AGT: variants seen among roughly 807,000 people sequenced by gnomAD.
AGT encodes angiotensinogen.
Under a neutral mutation model 28.1 loss-of-function variants are expected in AGT, and 26 were observed. That is an observed-to-expected ratio of 0.92 (90% CI 0.68 to 1.28). The LOEUF (loss-of-function observed/expected upper bound fraction) is 1.28, where lower values mean the gene tolerates loss of function less well. AGT is among the 50% of genes most tolerant of loss of function. AGT has a pLI of 0.00. For missense variants in AGT, 596 were observed against 592.3 expected, an observed-to-expected ratio of 1.01 and a Z score of -0.06; for synonymous variants, 259 against 259.6, an observed-to-expected ratio of 1.00 and a Z score of 0.02.
intron 4 of AGT, 21 bp downstream of exon 4, chr1:230,704,172 C>T (rs752133526): frequency 2.5e-6 from 4 of 1,614,128 alleles, no homozygotes; most frequent in East Asian, 4.5e-5. Context: ...AGGTCAGGCA[C>T]AGACACAGGC....
In AGT at chr1:230,710,599, T is replaced by G; in HGVS notation, c.225A>C (p.Leu75=). The G allele has an allele frequency of 6.2e-7, 1 of 1,614,262 alleles. No homozygotes were observed. The highest frequency in any genetic ancestry group is 8.5e-7 in the Non-Finnish European group (1 of 1,180,046). The change falls in exon 2 of 5, where the codon CTA becomes CTC. Residue 75 remains leucine, a synonymous_variant. Coordinates refer to ENST00000366667, the MANE Select transcript of AGT (RefSeq NM_001384479.1). ...AKTSPVDEKA[L]QDQLVLVAAK... ...CAGCGACTAGCACCAGCTGGTCCTG[T>G]AGGGCCTTTTCATCCACAGGGGATG...
At chr1:230,743,841 T>G (rs1664292556) in intron 1 of AGT, among the ~76,000 whole-genome samples, 1 of 152,116 alleles carries the variant, frequency 6.6e-6, no homozygotes, top group African/African-American at 2.4e-5. Context: ...CTGCTGCCCT[T>G]CAAGATGAAC....
intron 2 of AGT, among the ~76,000 whole-genome samples, chr1:230,706,558 G>A (rs979833522): frequency 1.3e-5 from 2 of 152,192 alleles, no homozygotes; most frequent in Non-Finnish European, 2.9e-5. Flanking sequence ...AAAGGCTGTG[G>A]TTTGACACAC....
chr1:230,744,481 G>C (rs983905316), intron 1 of AGT, among the ~76,000 whole-genome samples: 21 of 152,306 alleles, frequency 1.4e-4, no homozygotes, highest in African/African-American at 4.8e-4. Flanking sequence ...GAATGATGAG[G>C]CTGTAAATCC....
intron 1 of AGT, among the ~76,000 whole-genome samples, chr1:230,736,104 A>G (rs2102805524): frequency 6.6e-6 from 1 of 152,212 alleles, no homozygotes; most frequent in Non-Finnish European, 1.5e-5. Flanking sequence ...AATAATACTC[A>G]GCTCCTAAAA....
chr1:230,724,261 T>C (rs1026722476), intron 1 of AGT, among the ~76,000 whole-genome samples: 3 of 152,368 alleles, frequency 2.0e-5, no homozygotes, highest in Admixed American at 6.5e-5. Flanking sequence ...TAATCTATTC[T>C]GTTAACTCAG....
At chr1:230,703,428 G>T in intron 4 of AGT, 99 bp from the exon 5 acceptor site, 2 of 1,273,062 alleles carry the variant, frequency 1.6e-6, no homozygotes, top group Non-Finnish European at 2.3e-6. Context: ...CCTCTGTGCT[G>T]TGCACTGTCC....
chr1:230,709,891 C>T (rs990017340), intron 2 of AGT, 104 bp downstream of exon 2: 56 of 1,540,002 alleles, frequency 3.6e-5, no homozygotes, highest in Admixed American at 8.4e-5. Flanking sequence ...CAGGTATGTC[C>T]GCAGGGCTGC....
At chr1:230,732,880 C>T (rs559595103) in intron 1 of AGT, among the ~76,000 whole-genome samples, 1 of 152,214 alleles carries the variant, frequency 6.6e-6, no homozygotes, top group African/African-American at 2.4e-5. Flanking sequence ...CTGTGTTGTT[C>T]AAGGACCAAC....
chr1:230,713,477 T>C (rs1019880727), intron 1 of AGT, among the ~76,000 whole-genome samples: 1 of 152,238 alleles, frequency 6.6e-6, no homozygotes, highest in African/African-American at 2.4e-5. Flanking sequence ...ATCTGCCTTT[T>C]AGCTTATCCC....
chr1:230,745,494 C>CA (rs1664335125), intron 1 of AGT, among the ~76,000 whole-genome samples: 1 of 152,204 alleles, frequency 6.6e-6, no homozygotes. Context: ...GGCTTATAAA[C>CA]AACAGAAATG....
intron 1 of AGT, among the ~76,000 whole-genome samples, chr1:230,732,941 A>C (rs1664093229): frequency 6.6e-6 from 1 of 152,084 alleles, no homozygotes; most frequent in African/African-American, 2.4e-5. Flanking sequence ...ACAGGTACCT[A>C]AAACCATCCC....
At chr1:230,730,958 A>C (rs1664041227) in intron 1 of AGT, among the ~76,000 whole-genome samples, 1 of 152,198 alleles carries the variant, frequency 6.6e-6, no homozygotes, top group Non-Finnish European at 1.5e-5. Flanking sequence ...GTAGTTATGA[A>C]TTAACCTAAT....
chr1:230,707,270 C>A (rs1663414126), intron 2 of AGT, among the ~76,000 whole-genome samples: 1 of 152,232 alleles, frequency 6.6e-6, no homozygotes, highest in South Asian at 2.1e-4. Context: ...CATCCCTGCC[C>A]TCGGCTGTCC....
Position 230,710,031 on chromosome 1 carries a change from T to A in AGT, c.793A>T (p.Ser265Cys). 1.9e-6 allele frequency: 3 copies of A among 1,614,076 alleles called. No homozygotes were observed. Among genetic ancestry groups the A allele is most frequent in the Non-Finnish European group, 2.5e-6 (3 of 1,179,984 alleles). The change falls in exon 2 of 5, where the codon AGC becomes TGC. Residue 265 changes from serine (S) to cysteine (C), a missense_variant. By Grantham distance (112) the Ser-to-Cys change is moderately radical. Transcript: ENST00000366667. ...ACGTAGGTGTTGAAAGCCAGGGTGC[T>A]GTCCACACTGGCTCCCATCAGGGAG... ...GCSLMGASVD[S>C]TLAFNTYVHF...
intron 2 of AGT, among the ~76,000 whole-genome samples, chr1:230,706,940 C>T (rs557563473): frequency 6.6e-5 from 10 of 152,344 alleles, no homozygotes; most frequent in African/African-American, 2.2e-4. Context: ...CACCAGCTGT[C>T]CTGTGGCCCC....
intron 1 of AGT, among the ~76,000 whole-genome samples, chr1:230,713,054 G>A (rs568794542): frequency 1.3e-5 from 2 of 152,196 alleles, no homozygotes; most frequent in East Asian, 3.9e-4. Flanking sequence ...AGGTTTCCCT[G>A]ATGCAGTATT....
At chr1:230,734,601 G>GGTGT (rs551124600) in intron 1 of AGT, among the ~76,000 whole-genome samples, 1 of 133,962 alleles carries the variant, frequency 7.5e-6, no homozygotes, top group South Asian at 2.6e-4. Context: ...ATATATATAT[G>GGTGT]GTGTGTGTAT....
intron 1 of AGT, among the ~76,000 whole-genome samples, chr1:230,719,853 G>A (rs1663810816): frequency 6.6e-6 from 1 of 152,102 alleles, no homozygotes; most frequent in Non-Finnish European, 1.5e-5. Context: ...AGGTACTTAT[G>A]AAAAATGGTG....
Sources: allele counts gnomAD v4.1 joint callset (sites outside exome capture counted in the v4.1 genomes callset), GRCh38; gene constraint gnomAD v4.1.1; transcripts MANE v1.5; gene names NCBI Gene and HGNC (gene_info 2026-07-23, HGNC 2026-07-21).